Variants in EYS observed in about 807,000 individuals in gnomAD.
EYS encodes protein eyes shut homolog.
A neutral mutation model predicts 282.1 loss-of-function variants in EYS; 250 were observed. The ratio of observed to expected loss-of-function variants is 0.89; its 90% CI spans 0.80 to 0.98. The LOEUF is 0.98. EYS is among the 50% of genes least tolerant of loss of function. The probability of loss-of-function intolerance (pLI) is 0.00; values close to 1 mark genes in which losing one functional copy is unlikely to be tolerated. For missense variants in EYS, 4,016 were observed against 3,709.0 expected, an observed-to-expected ratio of 1.08 and a Z score of -2.15; for synonymous variants, 1,355 against 1,282.9, an observed-to-expected ratio of 1.06 and a Z score of -1.20.
intron 31 of EYS, among the ~76,000 whole-genome samples, chr6:64,096,459 CT>C (rs1772618045): frequency 6.6e-6 from 1 of 152,142 alleles, no homozygotes; most frequent in African/African-American, 2.4e-5. Flanking sequence ...TCTTTTTATT[CT>C]TTTTGCTCTA....
intron 12 of EYS, among the ~76,000 whole-genome samples, chr6:65,157,376 T>C (rs1422294005): frequency 1.3e-5 from 2 of 150,832 alleles, no homozygotes; most frequent in Middle Eastern, 3.8e-3. Flanking sequence ...TCTATAGAGT[T>C]TAATTATTTC....
chr6:65,276,830 T>C (rs1359370182), intron 12 of EYS, among the ~76,000 whole-genome samples: 5 of 152,140 alleles, frequency 3.3e-5, no homozygotes, highest in African/African-American at 1.2e-4. Context: ...TGTGACTAGT[T>C]ACAGAAAAAG....
At chr6:64,976,073 A>T (rs6455020) in intron 14 of EYS, among the ~76,000 whole-genome samples, 145,026 of 151,942 alleles carry the variant, frequency 0.95, 69,307 homozygotes, top group African/African-American at 0.99. Context: ...ATGATACATA[A>T]GCATTTTTAA....
In EYS at chr6:64,943,070, A is replaced by C. The variant is rs551156945; in HGVS notation, c.2381+2723T>G. On this transcript the variant is annotated intron_variant, in intron 15 of 42. Coordinates refer to ENST00000503581, the MANE Select transcript of EYS (RefSeq NM_001142800.2). ...ACTGTTTCACCAAACACAAATCAAT[A>C]AATGTGATTCACTGCATAAACAGAA... is the stretch of plus-strand genomic sequence containing the variant. Among the ~76,000 whole-genome samples the C allele has an allele frequency of 1.1e-3, 170 of 152,248 alleles. 1 individual carries two copies. The highest frequency in any genetic ancestry group is 7.4e-5 in the Non-Finnish European group (5 of 68,000).
chr6:65,200,238 A>G (rs1765866947), intron 12 of EYS, among the ~76,000 whole-genome samples: 1 of 151,878 alleles, frequency 6.6e-6, no homozygotes, highest in African/African-American at 2.4e-5. Flanking sequence ...ATGAAGATGG[A>G]AATTCTATTT....
intron 11 of EYS, among the ~76,000 whole-genome samples, chr6:65,334,119 A>G (rs909027775): frequency 1.3e-5 from 2 of 151,622 alleles, no homozygotes; most frequent in Admixed American, 6.6e-5. Context: ...AATATTTTTG[A>G]TATATTTGAA....
intron 2 of EYS, among the ~76,000 whole-genome samples, chr6:65,617,543 TA>T: frequency 6.6e-6 from 1 of 151,526 alleles, no homozygotes; most frequent in African/African-American, 2.4e-5. Flanking sequence ...TTATTTATAA[TA>T]TATTTTTTAA....
chr6:65,232,069 C>T (rs1766797068), intron 12 of EYS, among the ~76,000 whole-genome samples: 1 of 151,872 alleles, frequency 6.6e-6, no homozygotes, highest in African/African-American at 2.4e-5. Flanking sequence ...AGTAAAAAAG[C>T]AGGTCTGTAG....
At chr6:64,115,699 C>A (rs1186216817) in intron 31 of EYS, among the ~76,000 whole-genome samples, 1 of 152,174 alleles carries the variant, frequency 6.6e-6, no homozygotes, top group Non-Finnish European at 1.5e-5. Flanking sequence ...GGTCTTTACC[C>A]ACTTAAACCA....
At chr6:64,223,278 T>G (rs556683984) in intron 31 of EYS, among the ~76,000 whole-genome samples, 4 of 152,162 alleles carry the variant, frequency 2.6e-5, no homozygotes, top group Admixed American at 6.6e-5. Flanking sequence ...TCCATTTTTG[T>G]TAGCAAATTT....
At chr6:64,469,917 G>A (rs1423411749) in intron 26 of EYS, among the ~76,000 whole-genome samples, 1 of 152,154 alleles carries the variant, frequency 6.6e-6, no homozygotes, top group African/African-American at 2.4e-5. Flanking sequence ...ATTAGTGAAA[G>A]TACTAAAAGT....
At chr6:65,371,605 CAGG>C (rs1045106676) in intron 8 of EYS, among the ~76,000 whole-genome samples, 10 of 151,732 alleles carry the variant, frequency 6.6e-5, no homozygotes, top group African/African-American at 2.4e-4. Flanking sequence ...TAGAGCAAAC[CAGG>C]AGAAGTATGA....
intron 2 of EYS, among the ~76,000 whole-genome samples, chr6:65,598,427 T>C (rs991763728): frequency 1.3e-5 from 2 of 151,980 alleles, no homozygotes; most frequent in African/African-American, 4.8e-5. Context: ...TTAACCAATA[T>C]TTATGCCATC....
intron 1 of EYS, among the ~76,000 whole-genome samples, chr6:65,654,213 G>C (rs1171970522): frequency 6.6e-6 from 1 of 151,734 alleles, no homozygotes; most frequent in Non-Finnish European, 1.5e-5. Flanking sequence ...AAAAAAGGTA[G>C]CATGAAACTA....
At chr6:64,400,250 T>G (rs1488051520) in intron 28 of EYS, 1 of 152,032 alleles carries the variant, frequency 6.6e-6, no homozygotes, top group Non-Finnish European at 1.5e-5. Flanking sequence ...GGTTTTCACC[T>G]TTGGATAAGT....
chr6:64,560,504 C>T lies in EYS; in HGVS notation c.5644+29719G>A, dbSNP rs553877016. ...TTTTCTCAAATATACACTTTCAATT[C>T]GCTTATTCTCTCAATTTCCCATGGA... is the stretch of plus-strand genomic sequence containing the variant. On this transcript the variant is annotated intron_variant, in intron 26 of 42. Coordinates refer to ENST00000503581, the MANE Select transcript of EYS (RefSeq NM_001142800.2). Among the ~76,000 whole-genome samples, 18 of 152,116 alleles carry T rather than the reference C, an allele frequency of 1.2e-4. No individual in the cohort carries two copies. In the South Asian group the frequency reaches 2.5e-3, roughly 21 times the overall value.
In EYS at chr6:65,382,451, T is replaced by A. The variant is rs560482119; in HGVS notation, c.1299+1935A>T. 4.6e-4 allele frequency among the ~76,000 whole-genome samples: 46 copies of A among 99,646 alleles called. No homozygotes were observed. The South Asian group carries it at 6.2e-3, about 13-fold the overall frequency. The allele number at this position is 99,646 out of a possible 152,430, so 65.4% of individuals were successfully genotyped here. A position where few individuals can be genotyped will look rare whatever the true frequency, so the allele number is the denominator to read the frequency against. On this transcript the variant is annotated intron_variant, in intron 8 of 42. Coordinates refer to ENST00000503581, the MANE Select transcript of EYS (RefSeq NM_001142800.2). ...CCGTGGATCTATCTTTGAAGTCTCC[T>A]TTCCTCTGTGTGTGTGTGTGTGTGT...
intron 2 of EYS, among the ~76,000 whole-genome samples, chr6:65,556,711 A>C (rs1346821767): frequency 6.6e-6 from 1 of 152,188 alleles, no homozygotes; most frequent in South Asian, 2.1e-4. Flanking sequence ...ATATCCTCAA[A>C]ATTTTCTTGT....
At chr6:63,930,280 AC>A (rs55860475) in intron 35 of EYS, among the ~76,000 whole-genome samples, 35,055 of 127,854 alleles carry the variant, frequency 0.27, 2,981 homozygotes, top group Admixed American at 0.35. Context: ...TAAGAAACCC[AC>A]CCCCCCCACC....
Sources: allele counts gnomAD v4.1 joint callset (sites outside exome capture counted in the v4.1 genomes callset), GRCh38; gene constraint gnomAD v4.1.1; transcripts MANE v1.5; gene names NCBI Gene and HGNC (gene_info 2026-07-23, HGNC 2026-07-21).